The following EP300 variants were observed in gnomAD, a reference collection of about 807,000 sequenced individuals.
EP300 encodes EP300 lysine acetyltransferase.
EP300 carries 31 observed loss-of-function variants against 264.0 expected under a neutral mutation model. That is an observed-to-expected ratio of 0.12 (90% CI 0.09 to 0.16). The LOEUF is 0.16. Ranked by LOEUF, EP300 falls within the 10% of genes least tolerant of loss-of-function variation. The pLI, the probability that EP300 is intolerant of heterozygous loss-of-function variation, is 1.00. For synonymous variants in EP300, 1,340 were observed against 1,045.4 expected (o/e 1.28, Z -5.44); for missense variants, 2,766 against 3,052.9 (o/e 0.91, Z 2.21).
chr22:41,127,800 A>G, intron 4 of EP300, 52 bp downstream of exon 4: 2 of 1,608,042 alleles, frequency 1.2e-6, no homozygotes, highest in Non-Finnish European at 8.5e-7. Flanking sequence ...AGCCAGGGAG[A>G]AGAAGGAAAA....
chr22:41,116,841 G>A (rs1400313178), intron 1 of EP300, among the ~76,000 whole-genome samples: 2 of 152,136 alleles, frequency 1.3e-5, no homozygotes, highest in Non-Finnish European at 2.9e-5. Context: ...CAGACAGATA[G>A]CTTCAGCTCA....
intron 19 of EP300, 66 bp downstream of exon 19, chr22:41,158,566 G>C (rs919732873): frequency 3.2e-6 from 4 of 1,252,008 alleles, no homozygotes; most frequent in Non-Finnish European, 4.7e-6. Flanking sequence ...ATGCGGATGG[G>C]CCAGCACACA....
chr22:41,166,732 A>G (rs2145759475), intron 23 of EP300, 66 bp downstream of exon 23: 1 of 1,077,526 alleles, frequency 9.3e-7, no homozygotes, highest in Non-Finnish European at 1.4e-6. Context: ...GAAACCATCC[A>G]AAGTGAATTA....
At chr22:41,138,312 T>C (rs2267427) in intron 8 of EP300, among the ~76,000 whole-genome samples, 6,217 of 152,190 alleles carry the variant, frequency 0.041, 422 homozygotes, top group East Asian at 0.2. Context: ...TACAGGCACG[T>C]GCCACCTCAC....
intron 11 of EP300, among the ~76,000 whole-genome samples, chr22:41,147,141 T>A (rs1249915840): frequency 6.6e-6 from 1 of 151,922 alleles, no homozygotes; most frequent in Non-Finnish European, 1.5e-5. Flanking sequence ...CTGTCTCTAC[T>A]AAAAATACAA....
At chr22:41,130,468 G>A (rs1473819868) in intron 5 of EP300, among the ~76,000 whole-genome samples, 1 of 152,034 alleles carries the variant, frequency 6.6e-6, no homozygotes, top group Non-Finnish European at 1.5e-5. Context: ...GGTGGAGGCT[G>A]TAGTGAGCTA....
chr22:41,115,280 A>G (rs1329428187), intron 1 of EP300, among the ~76,000 whole-genome samples: 1 of 152,200 alleles, frequency 6.6e-6, no homozygotes, highest in Non-Finnish European at 1.5e-5. Context: ...TATGGGTGCT[A>G]CTGGCATAAG....
intron 8 of EP300, among the ~76,000 whole-genome samples, chr22:41,139,241 C>T (rs2058968730): frequency 6.6e-6 from 1 of 152,148 alleles, no homozygotes; most frequent in African/African-American, 2.4e-5. Context: ...GGCGTTGAGC[C>T]ACTGTGTCCA....
At chr22:41,118,358 A>G (rs1417506124) in intron 2 of EP300, among the ~76,000 whole-genome samples, 1 of 152,250 alleles carries the variant, frequency 6.6e-6, no homozygotes, top group South Asian at 2.1e-4. Context: ...TTTATTAACT[A>G]GAGAATGCTA....
At chr22:41,098,684 T>A (rs1413191292) in intron 1 of EP300, among the ~76,000 whole-genome samples, 1 of 152,100 alleles carries the variant, frequency 6.6e-6, no homozygotes, top group Non-Finnish European at 1.5e-5. Flanking sequence ...GAAGTAATTT[T>A]GTTGAGAGAG....
Position 41,152,006 on chromosome 22 carries a change from T to A in EP300, c.2991T>A (p.Ile997=). 3 of 1,614,164 alleles carry A rather than the reference T, an allele frequency of 1.9e-6. No individual in the cohort carries two copies. Among genetic ancestry groups the A allele is most frequent in the Non-Finnish European group, 1.7e-6 (2 of 1,180,032 alleles). Residue 997 remains isoleucine (I), a synonymous_variant, in exon 15 of 31, where the codon ATT becomes ATA. Coordinates refer to ENST00000263253, the MANE Select transcript of EP300 (RefSeq NM_001429.4). ...CAGCAGATACTCAGCCGGAGGATAT[T>A]TCAGAGGTGAGAGTAGGGCAATTAC... ...PEPADTQPED[I]SESKVEDCKM...
At chr22:41,125,427 G>GT (rs1459803322) in intron 2 of EP300, among the ~76,000 whole-genome samples, 34 of 149,276 alleles carry the variant, frequency 2.3e-4, no homozygotes, top group Admixed American at 1.3e-3. Flanking sequence ...TGTTTTTTGG[G>GT]GTTTTTTTTT....
intron 27 of EP300, 60 bp from the exon 28 acceptor site, chr22:41,172,439 G>A (rs2145769718): frequency 2.8e-6 from 4 of 1,430,906 alleles, no homozygotes; most frequent in Admixed American, 1.7e-5. Flanking sequence ...TGATTATTCT[G>A]TATAATCAAT....
At chr22:41,147,009 A>T (rs1224702958) in intron 11 of EP300, among the ~76,000 whole-genome samples, 193 bp downstream of exon 11, 1 of 152,038 alleles carries the variant, frequency 6.6e-6, no homozygotes, top group Non-Finnish European at 1.5e-5. Flanking sequence ...AGTATCCATT[A>T]AAAAACAACT....
chr22:41,164,580 T>G (rs1220123555), intron 22 of EP300, among the ~76,000 whole-genome samples: 1 of 151,980 alleles, frequency 6.6e-6, no homozygotes, highest in Non-Finnish European at 1.5e-5. Context: ...GGCGTGGTGG[T>G]GCACGCCTGT....
Position 41,127,768 on chromosome 22 carries a change from T to C in EP300, c.1168+20T>C, listed in dbSNP as rs3818121. On this transcript the variant is annotated intron_variant, in intron 4 of 30. Transcript: ENST00000263253. Reference sequence around the variant, plus strand: ...GCCAAGGTAAGTGGACCCACAGGGTTACTGTACTTAGCAATTTTTACAGCC... The same window carrying C: ...GCCAAGGTAAGTGGACCCACAGGGTCACTGTACTTAGCAATTTTTACAGCC... The C allele has an allele frequency of 9.2e-4, 1,479 of 1,613,968 alleles. 21 individuals are homozygous for C. The East Asian group carries it at 0.026, about 28-fold the overall frequency.
intron 17 of EP300, among the ~76,000 whole-genome samples, chr22:41,155,952 A>G (rs2059074253): frequency 6.6e-6 from 1 of 152,080 alleles, no homozygotes. Flanking sequence ...TCTCCTTGGT[A>G]TTTACCTAGG....
chr22:41,143,268 A>G (rs1235553462), intron 10 of EP300, among the ~76,000 whole-genome samples: 4 of 152,164 alleles, frequency 2.6e-5, no homozygotes, highest in Non-Finnish European at 5.9e-5. Flanking sequence ...CCTGGGCAAC[A>G]TGGTGAAACT....
At chr22:41,174,825 CTT>C (rs1398695602) in intron 29 of EP300, 1 of 152,106 alleles carries the variant, frequency 6.6e-6, no homozygotes, top group Non-Finnish European at 1.5e-5. Context: ...TAAACAGTCT[CTT>C]TGGGAGAGAA....
Sources: gnomAD v4.1 joint callset for allele counts (sites outside exome capture counted in the v4.1 genomes callset) on GRCh38, gnomAD v4.1.1 for gene constraint, MANE v1.5 for transcripts, NCBI Gene and HGNC (gene_info 2026-07-23, HGNC 2026-07-21) for gene names.